Variants in KDM2A observed in about 807,000 individuals in gnomAD.
KDM2A encodes lysine-specific demethylase 2A.
In KDM2A, 3 loss-of-function variants were observed where a neutral mutation model predicts 137.3. The observed-to-expected ratio is 0.02, with a 90% CI of 0.01 to 0.06. The LOEUF (loss-of-function observed/expected upper bound fraction) is 0.06. KDM2A is among the 10% of genes least tolerant of loss of function. The pLI is 1.00. For missense variants in KDM2A, 738 were observed against 1,510.6 expected, an observed-to-expected ratio of 0.49 and a Z score of 8.48; for synonymous variants, 512 against 541.5, an observed-to-expected ratio of 0.95 and a Z score of 0.76.
chr11:67,251,863 C>T (rs1369586438), intron 17 of KDM2A, among the ~76,000 whole-genome samples: 1 of 152,178 alleles, frequency 6.6e-6, no homozygotes, highest in Non-Finnish European at 1.5e-5. Flanking sequence ...TATCTAAATT[C>T]TCCTTAATAT....
chr11:67,127,942 G>A (rs954068381), intron 2 of KDM2A, among the ~76,000 whole-genome samples: 1 of 150,342 alleles, frequency 6.7e-6, no homozygotes, highest in African/African-American at 2.5e-5. Flanking sequence ...CCGACCTCAG[G>A]CAGGCGATCT....
intron 2 of KDM2A, among the ~76,000 whole-genome samples, chr11:67,165,007 G>A (rs1856709448): frequency 2.0e-5 from 3 of 152,162 alleles, no homozygotes; most frequent in Admixed American, 6.5e-5. Flanking sequence ...TTTAGTTGGT[G>A]CAGATGGGGT....
chr11:67,184,248 C>T (rs1307236933), intron 5 of KDM2A, among the ~76,000 whole-genome samples: 1 of 151,972 alleles, frequency 6.6e-6, no homozygotes, highest in Non-Finnish European at 1.5e-5. Flanking sequence ...AATCCCAGCA[C>T]TTTGGGAGGC....
intron 10 of KDM2A, among the ~76,000 whole-genome samples, chr11:67,225,079 T>C (rs1383498112): frequency 1.3e-5 from 2 of 151,658 alleles, no homozygotes; most frequent in African/African-American, 2.4e-5. Flanking sequence ...CCACTTGCCT[T>C]GGCCTCCCAA....
intron 5 of KDM2A, among the ~76,000 whole-genome samples, chr11:67,192,128 C>CT (rs1321112804): frequency 6.6e-6 from 1 of 152,206 alleles, no homozygotes; most frequent in Non-Finnish European, 1.5e-5. Flanking sequence ...TACTTCATCT[C>CT]TTTTTGCAGA....
At chr11:67,130,854 T>C (rs1172718968) in intron 2 of KDM2A, among the ~76,000 whole-genome samples, 1 of 150,464 alleles carries the variant, frequency 6.6e-6, no homozygotes, top group Non-Finnish European at 1.5e-5. Context: ...GGTATCGTTT[T>C]AAACCTTGAT....
intron 13 of KDM2A, 39 bp downstream of exon 13, chr11:67,243,131 C>G (rs373632215): frequency 8.1e-6 from 12 of 1,474,142 alleles, no homozygotes; most frequent in African/African-American, 1.4e-5. Context: ...GCTGCTTAAG[C>G]CTTTTGTTAG....
At chr11:67,234,233 G>T (rs1043447942) in intron 12 of KDM2A, among the ~76,000 whole-genome samples, 8 of 152,176 alleles carry the variant, frequency 5.3e-5, no homozygotes, top group Non-Finnish European at 8.8e-5. Flanking sequence ...CATTAGATTG[G>T]GTAGCTGCTG....
At chr11:67,210,032 A>G (rs1458019700) in intron 6 of KDM2A, among the ~76,000 whole-genome samples, 1 of 151,932 alleles carries the variant, frequency 6.6e-6, no homozygotes, top group Non-Finnish European at 1.5e-5. Flanking sequence ...CCTAGCCAAC[A>G]TTGCAAGAAT....
chr11:67,245,555 G>C lies in KDM2A; in HGVS notation c.1833+97G>C, dbSNP rs1859179091. On this transcript the variant is annotated intron_variant, in intron 14 of 20. Transcript: ENST00000529006. This position sits in a 1 kb window ranked among gnomAD's most constrained non-coding sequence, Gnocchi z 4.1. ...TAGAGTTAAAGAGACTTCAGAGTTG[G>C]AAAGAAAAGGTTTATACTCTCTTTT... 7.4e-7 allele frequency: 1 copy of C among 1,353,658 alleles called. No homozygotes were observed. The highest frequency in any genetic ancestry group is 1.4e-5 in the South Asian group (1 of 73,018). 83.9% of individuals were successfully genotyped at this position (1,353,658 alleles called of 1,614,324 possible).
chr11:67,225,484 C>T (rs1435738772), intron 10 of KDM2A, among the ~76,000 whole-genome samples: 1 of 149,482 alleles, frequency 6.7e-6, no homozygotes, highest in Non-Finnish European at 1.5e-5. Context: ...AAAAATACAA[C>T]AATTGGCCAG....
chr11:67,184,150 A>C (rs116555331), intron 5 of KDM2A, among the ~76,000 whole-genome samples: 1 of 150,524 alleles, frequency 6.6e-6, no homozygotes, highest in Non-Finnish European at 1.5e-5. Context: ...ATCTTCTCCT[A>C]ATTGTTGCAG....
intron 2 of KDM2A, among the ~76,000 whole-genome samples, chr11:67,172,551 A>G (rs919183695): frequency 6.6e-6 from 1 of 150,456 alleles, no homozygotes; most frequent in Non-Finnish European, 1.5e-5. Flanking sequence ...TTTTTTTTCA[A>G]CTTCATCTTG....
chr11:67,198,621 A>AGGG (rs1857541922), intron 5 of KDM2A, among the ~76,000 whole-genome samples: 1 of 151,016 alleles, frequency 6.6e-6, no homozygotes, highest in African/African-American at 2.4e-5. Flanking sequence ...GAGTCAGGAG[A>AGGG]ATGGCGTGAA....
chr11:67,149,985 G>A (rs1856348793), intron 2 of KDM2A, among the ~76,000 whole-genome samples: 2 of 152,036 alleles, frequency 1.3e-5, no homozygotes. Context: ...GCCTCCCAAA[G>A]TGCTGGGATT....
At chr11:67,147,688 T>TC (rs987061965) in intron 2 of KDM2A, among the ~76,000 whole-genome samples, 4 of 151,580 alleles carry the variant, frequency 2.6e-5, no homozygotes, top group African/African-American at 9.7e-5. Flanking sequence ...GAGATTCTTT[T>TC]TTTTTTTGAG....
intron 2 of KDM2A, among the ~76,000 whole-genome samples, chr11:67,156,152 G>A (rs1470368875): frequency 6.6e-6 from 1 of 151,018 alleles, no homozygotes; most frequent in Admixed American, 6.6e-5. Context: ...GGAGGCTGAG[G>A]CAGAAGAATC....
intron 2 of KDM2A, among the ~76,000 whole-genome samples, chr11:67,159,923 C>T (rs945584740): frequency 2.6e-5 from 4 of 152,028 alleles, no homozygotes; most frequent in Admixed American, 2.0e-4. Context: ...TGAAAAAATT[C>T]GGGAGATGGA....
chr11:67,242,739 A>G (rs1430251705), intron 12 of KDM2A, among the ~76,000 whole-genome samples: 2 of 152,120 alleles, frequency 1.3e-5, no homozygotes, highest in African/African-American at 2.4e-5. Context: ...TCCTGGCTCA[A>G]GTGATCCTCC....
Sources: gnomAD v4.1 joint callset for allele counts (sites outside exome capture counted in the v4.1 genomes callset) on GRCh38, gnomAD v4.1.1 for gene constraint, Gnocchi (gnomAD v3.1) non-coding constraint, MANE v1.5 for transcripts, NCBI Gene and HGNC (gene_info 2026-07-23, HGNC 2026-07-21) for gene names.